The following IRAG1 variants were observed in gnomAD, a reference collection of about 807,000 sequenced individuals.
IRAG1 encodes the protein inositol 1,4,5-triphosphate receptor associated 1.
Under a neutral mutation model 106.2 loss-of-function variants are expected in IRAG1, and 62 were observed. The ratio of observed to expected loss-of-function variants is 0.58; its 90% CI spans 0.48 to 0.72. The LOEUF (loss-of-function observed/expected upper bound fraction) is 0.72. Ranked by LOEUF, IRAG1 falls within the 30% of genes least tolerant of loss-of-function variation. IRAG1 has a pLI of 0.00. For synonymous variants in IRAG1, 462 were observed against 443.9 expected (o/e 1.04, Z -0.51); for missense variants, 1,064 against 1,140.7 (o/e 0.93, Z 0.97).
At chr11:10,589,515 C>A (rs1402112312) in intron 18 of IRAG1, among the ~76,000 whole-genome samples, 1 of 152,144 alleles carries the variant, frequency 6.6e-6, no homozygotes, top group Non-Finnish European at 1.5e-5. Flanking sequence ...GAACCACCCG[C>A]CTCAGCCTCC....
intron 10 of IRAG1, among the ~76,000 whole-genome samples, chr11:10,619,538 C>T (rs140597917): frequency 9.9e-5 from 15 of 152,260 alleles, no homozygotes; most frequent in African/African-American, 2.9e-4. Flanking sequence ...TCATTAAACA[C>T]GGAGGGTTGC....
intron 11 of IRAG1, among the ~76,000 whole-genome samples, chr11:10,607,878 CACTT>C (rs1854612130): frequency 6.6e-6 from 1 of 152,184 alleles, no homozygotes; most frequent in African/African-American, 2.4e-5. Flanking sequence ...GGATGTTTGA[CACTT>C]ACAGTCCTTG....
At chr11:10,643,176 C>CAAAAAAAAAAAAAA (rs10679269) in intron 2 of IRAG1, among the ~76,000 whole-genome samples, 1 of 60,246 alleles carries the variant, frequency 1.7e-5, no homozygotes, top group Non-Finnish European at 2.8e-5. Flanking sequence ...GACTCCGTCT[C>CAAAAAAAAAAAAAA]AAAAAAAAAA....
At chr11:10,580,280 T>C (rs1851258971) in intron 20 of IRAG1, among the ~76,000 whole-genome samples, 175 bp downstream of exon 20, 1 of 152,196 alleles carries the variant, frequency 6.6e-6, no homozygotes, top group Admixed American at 6.5e-5. Context: ...CTCTTTGGGA[T>C]TTCCTCTACC....
At chr11:10,667,679 G>C (rs903822) in intron 1 of IRAG1, among the ~76,000 whole-genome samples, 101,263 of 152,068 alleles carry the variant, frequency 0.67, 34,511 homozygotes, top group East Asian at 0.97. Context: ...TAAAACATAG[G>C]TGTGGTCGCA....
At chr11:10,595,247 G>A (rs567996028) in intron 15 of IRAG1, among the ~76,000 whole-genome samples, 10 of 152,124 alleles carry the variant, frequency 6.6e-5, no homozygotes, top group Admixed American at 6.5e-4. Context: ...AATCTAATCT[G>A]AGATTCTCTA....
At chr11:10,584,067 A>G (rs188558591) in intron 18 of IRAG1, among the ~76,000 whole-genome samples, 2 of 152,262 alleles carry the variant, frequency 1.3e-5, no homozygotes, top group African/African-American at 4.8e-5. Context: ...GTTTAAAGGA[A>G]GTATCCAGAT....
At chr11:10,658,549 C>T (rs527915646) in intron 1 of IRAG1, 1 of 157,288 alleles carries the variant, frequency 6.4e-6, no homozygotes, top group Admixed American at 6.5e-5. Flanking sequence ...TGGTGTTCAT[C>T]CTAGTGGCTC....
At position 10,626,241 on chromosome 11, in the gene IRAG1, G is replaced by C. The variant is rs1271318983; in HGVS notation, c.1093C>G (p.Pro365Ala). ...TCGGGCCCCATCGGCTCTCCAGCTGGGCCTCTCCCCTGGGAGGCTGGGGGA... is the reference window on the plus strand; with the variant it reads ...TCGGGCCCCATCGGCTCTCCAGCTGCGCCTCTCCCCTGGGAGGCTGGGGGA... Reference protein sequence around the residue: ...VGPPASQGRGPAGEPMGPEAG... With the variant: ...VGPPASQGRGAAGEPMGPEAG... Residue 365 changes from proline (P) to alanine (A), a missense_variant, in exon 9 of 21, where the codon CCA becomes GCA. Coordinates refer to ENST00000423302, the MANE Select transcript of IRAG1 (RefSeq NM_130385.4). The C allele has an allele frequency of 6.2e-6, 10 of 1,605,062 alleles. No individual in the cohort carries two copies. The highest frequency in any genetic ancestry group is 2.2e-5 in the East Asian group (1 of 44,686).
chr11:10,630,088 A>G (rs1371863616), intron 4 of IRAG1: 1 of 168,056 alleles, frequency 6.0e-6, no homozygotes, highest in East Asian at 1.7e-4. Context: ...GTTTGTGAAT[A>G]AAAGAAGGAG....
At chr11:10,680,372 G>GAAAGAAAGAAAGAAAGAAAGAAAGAAA (rs1564942533) in intron 1 of IRAG1, among the ~76,000 whole-genome samples, 1 of 41,194 alleles carries the variant, frequency 2.4e-5, no homozygotes, top group Non-Finnish European at 4.2e-5. Context: ...AAAGAAAGAA[G>GAAAGAAAGAAAGAAAGAAAGAAAGAAA]GAAGGAAGGA....
At chr11:10,587,170 C>T (rs1852105440) in intron 18 of IRAG1, among the ~76,000 whole-genome samples, 1 of 152,156 alleles carries the variant, frequency 6.6e-6, no homozygotes, top group South Asian at 2.1e-4. Context: ...CACACGTGCA[C>T]CAGGTCAAAA....
chr11:10,591,524 C>T (rs948931575), intron 18 of IRAG1, 24 bp downstream of exon 18: 2 of 1,574,652 alleles, frequency 1.3e-6, no homozygotes, highest in Non-Finnish European at 1.7e-6. Flanking sequence ...TCCCTGAAGC[C>T]AAGAGGAAAA....
At chr11:10,584,911 A>T (rs146683138) in intron 18 of IRAG1, among the ~76,000 whole-genome samples, 2 of 152,274 alleles carry the variant, frequency 1.3e-5, no homozygotes, top group East Asian at 3.9e-4. Flanking sequence ...TAGTAAATGT[A>T]TTGGTACATT....
chr11:10,651,605 C>G (rs924568126), intron 2 of IRAG1, among the ~76,000 whole-genome samples: 2 of 152,104 alleles, frequency 1.3e-5, no homozygotes, highest in Non-Finnish European at 2.9e-5. Flanking sequence ...CACTGAAAAC[C>G]TTTTTTGCTA....
chr11:10,680,586 A>G (rs373782370), intron 1 of IRAG1, among the ~76,000 whole-genome samples: 21 of 152,074 alleles, frequency 1.4e-4, no homozygotes, highest in African/African-American at 5.1e-4. Flanking sequence ...CTCCATTCAG[A>G]AATGCCCTAA....
intron 10 of IRAG1, among the ~76,000 whole-genome samples, chr11:10,619,186 C>T (rs1847046608): frequency 1.3e-5 from 2 of 152,166 alleles, no homozygotes; most frequent in South Asian, 4.1e-4. Context: ...AATATAGTTC[C>T]TGAGAAGGGA....
chr11:10,591,133 G>A (rs1021502651), intron 18 of IRAG1, among the ~76,000 whole-genome samples: 13 of 152,184 alleles, frequency 8.5e-5, no homozygotes, highest in Admixed American at 7.2e-4. Flanking sequence ...CCACAATCCT[G>A]ATGATGAAGT....
intron 1 of IRAG1, among the ~76,000 whole-genome samples, chr11:10,680,697 T>C (rs1285426579): frequency 6.6e-6 from 1 of 152,146 alleles, no homozygotes. Flanking sequence ...AGCCCTGCCA[T>C]GTGACCTTGG....
Sources: allele counts gnomAD v4.1 joint callset (sites outside exome capture counted in the v4.1 genomes callset), GRCh38; gene constraint gnomAD v4.1.1; transcripts MANE v1.5; gene names NCBI Gene and HGNC (gene_info 2026-07-23, HGNC 2026-07-21).